The following COL6A2 variants were observed in gnomAD, a reference collection of about 807,000 sequenced individuals.
The protein encoded by COL6A2 is collagen alpha-2(VI) chain.
Under a neutral mutation model 124.9 loss-of-function variants are expected in COL6A2, and 90 were observed. The observed-to-expected ratio is 0.72, with a 90% CI of 0.61 to 0.86. The LOEUF (loss-of-function observed/expected upper bound fraction) is 0.86. COL6A2 is among the 40% of genes least tolerant of loss of function. The pLI is 0.00. For missense variants in COL6A2, 1,607 were observed against 1,502.5 expected (o/e 1.07, Z -1.15); for synonymous variants, 793 against 618.2 (o/e 1.28, Z -4.19).
chr21:46,098,698 G>A (rs2078253820), intron 1 of COL6A2: 1 of 152,030 alleles, frequency 6.6e-6, no homozygotes, highest in African/African-American at 2.4e-5. Context: ...GGGACTGGGC[G>A]GGGAGGGGAC....
Position 46,132,364 on chromosome 21 carries a change from C to T in COL6A2, c.2872C>T (p.His958Tyr). 1.2e-6 allele frequency: 2 copies of T among 1,609,004 alleles called. No individual in the cohort carries two copies. The highest frequency in any genetic ancestry group is 1.7e-6 in the Non-Finnish European group (2 of 1,179,572). ...CGGCGTCACGGGCAACGACAGTCTG[C>T]ACGAGTCGGCGCACTCCATGCGCAA... ...TDGVTGNDSL[H>Y]ESAHSMRKQN... is the part of the protein sequence containing the mutation. Residue 958 changes from histidine (H) to tyrosine (Y), a missense_variant, in exon 28 of 28, where the codon CAC (histidine) becomes TAC (tyrosine). Physicochemically the swap from His to Tyr is moderately conservative, Grantham distance 83 (BLOSUM62 2). Transcript: ENST00000300527.
chr21:46,129,044 G>A (rs2078719056), intron 27 of COL6A2: 2 of 1,601,312 alleles, frequency 1.2e-6, no homozygotes, highest in South Asian at 2.2e-5. Flanking sequence ...CCAAGGCCGA[G>A]CCACACACCC....
At chr21:46,117,769 G>A in intron 11 of COL6A2, 105 bp from the exon 12 acceptor site, 1 of 1,166,298 alleles carries the variant, frequency 8.6e-7, no homozygotes, top group South Asian at 1.3e-5. Flanking sequence ...CACAGTGAGG[G>A]TGGGAGGTGC....
chr21:46,130,864 T>C (rs1487648902), intron 27 of COL6A2, among the ~76,000 whole-genome samples: 1 of 152,190 alleles, frequency 6.6e-6, no homozygotes, highest in South Asian at 2.1e-4. Flanking sequence ...ATAAGCTCAC[T>C]GAGGGAACCC....
chr21:46,125,158 G>T (rs1331727344), intron 23 of COL6A2, 108 bp from the exon 24 acceptor site: 1 of 1,161,052 alleles, frequency 8.6e-7, no homozygotes, highest in Non-Finnish European at 1.3e-6. Flanking sequence ...CCGCATGGCT[G>T]CCTCCACACG....
rs1349180488 is a variant in COL6A2, at chr21:46,126,512, T to G, written c.2432T>G (p.Ile811Ser). The G allele has an allele frequency of 6.2e-7, 1 of 1,612,560 alleles. No individual in the cohort carries two copies. The highest frequency in any genetic ancestry group is 8.5e-7 in the Non-Finnish European group (1 of 1,179,236). The change falls in exon 27 of 28, where the codon ATC becomes AGC. Residue 811 changes from isoleucine (I) to serine (S), a missense_variant. Around this residue, in one of 3 missense-constraint regions of COL6A2, gnomAD observed 1,223 missense variants for 1,052.2 expected, o/e 1.16. Transcript: ENST00000300527. Reference sequence around the variant, plus strand: ...CTCTCCTCTCTTCCAGACCCTCAGATCGTGTGCCCAGACCTTCCCTGCCAA... The same window carrying G: ...CTCTCCTCTCTTCCAGACCCTCAGAGCGTGTGCCCAGACCTTCCCTGCCAA... ...MEDVLCPDPQ[I>S]VCPDLPCQTE...
intron 1 of COL6A2, among the ~76,000 whole-genome samples, chr21:46,106,910 A>G (rs1436595325): frequency 1.3e-5 from 2 of 152,188 alleles, no homozygotes; most frequent in African/African-American, 2.4e-5. Context: ...GCAAACTCCT[A>G]TCTACAAAAA....
intron 20 of COL6A2, 128 bp downstream of exon 20, chr21:46,122,659 GC>G: frequency 3.6e-6 from 4 of 1,124,782 alleles, no homozygotes; most frequent in Non-Finnish European, 5.3e-6. Context: ...GCTCCCCAAG[GC>G]CCAGCCATGT....
In COL6A2 at chr21:46,132,589, C is replaced by T. The variant is rs1242826456; in HGVS notation, c.*37C>T. 1.9e-6 allele frequency: 3 copies of T among 1,546,070 alleles called. No homozygotes were observed. The highest frequency in any genetic ancestry group is 2.7e-5 in the African/African-American group (2 of 73,692). ...GGGCCCCGCAGTCGAGGGTCGTGAG[C>T]CCACCCCGTCCATGGTGCTAAGCGG... On this transcript the variant is annotated 3_prime_UTR_variant, in exon 28 of 28. Coordinates refer to ENST00000300527, the MANE Select transcript of COL6A2 (RefSeq NM_001849.4).
chr21:46,128,873 C>T (rs911556031), intron 27 of COL6A2: 8 of 1,583,038 alleles, frequency 5.1e-6, no homozygotes, highest in Middle Eastern at 3.3e-4. Flanking sequence ...ACTGGAAGCC[C>T]TACTGGAGTT....
chr21:46,109,594 AC>A (rs929980734), intron 1 of COL6A2, among the ~76,000 whole-genome samples: 44 of 151,194 alleles, frequency 2.9e-4, no homozygotes, highest in African/African-American at 9.0e-4. Flanking sequence ...CACCCTCAGC[AC>A]CCCCCCAAGC....
intron 22 of COL6A2, 77 bp downstream of exon 22, chr21:46,124,790 C>G: frequency 6.3e-7 from 1 of 1,598,704 alleles, no homozygotes; most frequent in Non-Finnish European, 8.6e-7. Context: ...TGGTTCTGCC[C>G]ACGGTGGACC....
Position 46,116,952 on chromosome 21 carries a change from CACACG to C in COL6A2, c.999+140_999+144del, listed in dbSNP as rs1198901205. ...ACACACACACACACACACACACACA[CACACG>C]AACTTCAGCTCCTGCCACATCCCAC... On this transcript the variant is annotated intron_variant, in intron 10 of 27. Coordinates refer to ENST00000300527, the MANE Select transcript of COL6A2 (RefSeq NM_001849.4). This position sits in a 1 kb window ranked among gnomAD's most constrained non-coding sequence, Gnocchi z 4.6. The C allele has an allele frequency of 1.6e-5, 13 of 834,266 alleles. No homozygotes were observed. In the East Asian group the frequency reaches 3.2e-4, roughly 21 times the overall value. 51.7% of individuals were successfully genotyped at this position (834,266 alleles called of 1,614,324 possible).
At position 46,117,557 on chromosome 21, in the gene COL6A2, G is replaced by GGCAGCCCA. The variant is rs2078491825; in HGVS notation, c.1053+112_1053+119dup. On this transcript the variant is annotated intron_variant, in intron 11 of 27. Coordinates refer to ENST00000300527, the MANE Select transcript of COL6A2 (RefSeq NM_001849.4). ...CTGCAGTGGGAGCGTGGGTTCTCCC[G>GGCAGCCCA]GCAGCCCAGCAGCCCCAGCCCAGCA... 4 of 1,201,950 alleles carry GGCAGCCCA rather than the reference G, an allele frequency of 3.3e-6. No individual in the cohort carries two copies. The Admixed American group carries it at 5.8e-5, about 18-fold the overall frequency. 74.5% of individuals were successfully genotyped at this position (1,201,950 alleles called of 1,614,324 possible).
intron 26 of COL6A2, 129 bp from the exon 27 acceptor site, chr21:46,126,374 G>A (rs935275044): frequency 3.3e-5 from 49 of 1,505,818 alleles, no homozygotes; most frequent in East Asian, 2.9e-4. Context: ...GGAAGGGGTC[G>A]GGCCCTCTCG....
At position 46,098,149 on chromosome 21, in the gene COL6A2, G is replaced by A. The variant is rs1427104384; in HGVS notation, c.-52G>A. On this transcript the variant is annotated 5_prime_UTR_variant, in exon 1 of 28. Transcript: ENST00000300527. ...CTCGGCGCCCGCGCCTCGGGCCGTC[G>A]GGAGCGGAGCCTCCTCGGGACCAGG... is the stretch of plus-strand genomic sequence containing the variant. The A allele has an allele frequency of 6.6e-6, 1 of 152,172 alleles. No individual in the cohort carries two copies. Among genetic ancestry groups the A allele is most frequent in the Non-Finnish European group, 1.5e-5 (1 of 68,126 alleles). The allele number at this position is 152,172 out of a possible 1,614,324, so 9.4% of individuals were successfully genotyped here.
intron 24 of COL6A2, 55 bp from the exon 25 acceptor site, chr21:46,125,410 A>AC: frequency 1.2e-6 from 2 of 1,610,034 alleles, no homozygotes; most frequent in Non-Finnish European, 1.7e-6. Context: ...TGTGCACGTG[A>AC]CCCTAGGGTC....
rs988846589 is a variant in COL6A2, at chr21:46,117,753, G to GA, written c.1054-121_1054-120insA. ...GCCTGGCCTCTTGGTCACTGAGCCTGGGCCTCACAGTGAGGGTGGGAGGTG... is the reference window on the plus strand; with the variant it reads ...GCCTGGCCTCTTGGTCACTGAGCCTGAGGCCTCACAGTGAGGGTGGGAGGTG... On this transcript the variant is annotated intron_variant, in intron 11 of 27. Coordinates refer to ENST00000300527, the MANE Select transcript of COL6A2 (RefSeq NM_001849.4). 273 of 884,124 alleles carry GA rather than the reference G, an allele frequency of 3.1e-4. 1 individual carries two copies. The highest frequency in any genetic ancestry group is 4.3e-4 in the Admixed American group (15 of 35,250). 54.8% of individuals were successfully genotyped at this position (884,124 alleles called of 1,614,324 possible).
chr21:46,120,618 TGA>T (rs2078549474), intron 16 of COL6A2, 41 bp downstream of exon 16: 1 of 1,434,034 alleles, frequency 7.0e-7, no homozygotes, highest in African/African-American at 1.4e-5. Flanking sequence ...GTAGGGGATC[TGA>T]GGGGGTGCAG....
Sources: allele counts gnomAD v4.1 joint callset (sites outside exome capture counted in the v4.1 genomes callset), GRCh38; gene constraint gnomAD v4.1.1; regional missense constraint gnomAD v4.1.1; non-coding constraint Gnocchi (gnomAD v3.1); transcripts MANE v1.5; gene names NCBI Gene and HGNC (gene_info 2026-07-23, HGNC 2026-07-21).